The following PDE4D variants were observed in gnomAD, a reference collection of about 807,000 sequenced individuals.
The protein encoded by PDE4D is 3',5'-cyclic-AMP phosphodiesterase 4D.
A neutral mutation model predicts 87.4 loss-of-function variants in PDE4D; 24 were observed. The ratio of observed to expected loss-of-function variants is 0.27; its 90% confidence interval spans 0.20 to 0.39. PDE4D has a LOEUF of 0.39. Ranked by LOEUF, PDE4D falls within the 10% of genes least tolerant of loss-of-function variation. PDE4D has a pLI of 1.00. For synonymous variants in PDE4D, 384 were observed against 383.2 expected, an observed-to-expected ratio of 1.00 and a Z score of -0.02; for missense variants, 714 against 1,041.0, an observed-to-expected ratio of 0.69 and a Z score of 4.32.
At chr5:59,571,590 T>C (rs1821861289) in intron 1 of PDE4D, among the ~76,000 whole-genome samples, 1 of 152,208 alleles carries the variant, frequency 6.6e-6, no homozygotes, top group Non-Finnish European at 1.5e-5. Context: ...TAGACTCATC[T>C]GTCAATCAAA....
intron 1 of PDE4D, among the ~76,000 whole-genome samples, chr5:59,219,854 C>T (rs918145789): frequency 3.3e-5 from 5 of 152,044 alleles, no homozygotes; most frequent in Non-Finnish European, 7.4e-5. Context: ...AAATGTCCAG[C>T]CAGAGTAGAG....
chr5:59,358,309 C>G (rs1007416909), intron 1 of PDE4D, among the ~76,000 whole-genome samples: 1 of 152,118 alleles, frequency 6.6e-6, no homozygotes, highest in Non-Finnish European at 1.5e-5. Flanking sequence ...CTTGGAGGAG[C>G]AGAGAGTTCA....
At chr5:60,273,954 A>AT (rs1163069329) in intron 1 of PDE4D, among the ~76,000 whole-genome samples, 3 of 152,316 alleles carry the variant, frequency 2.0e-5, no homozygotes, top group Non-Finnish European at 4.4e-5. Flanking sequence ...ATAGATGAGC[A>AT]TGCCCAGTCA....
At chr5:60,019,842 T>C (rs561082127) in intron 2 of PDE4D, among the ~76,000 whole-genome samples, 1 of 152,206 alleles carries the variant, frequency 6.6e-6, no homozygotes, top group African/African-American at 2.4e-5. Context: ...TATTTTTCAA[T>C]TTCCTTCAAG....
intron 1 of PDE4D, among the ~76,000 whole-genome samples, chr5:59,864,926 C>G (rs1464895568): frequency 6.6e-6 from 1 of 152,176 alleles, no homozygotes. Flanking sequence ...CAGGCCTGCT[C>G]TGGAGGACTG....
intron 1 of PDE4D, among the ~76,000 whole-genome samples, chr5:59,730,258 A>T (rs1461925201): frequency 6.6e-6 from 1 of 152,136 alleles, no homozygotes; most frequent in African/African-American, 2.4e-5. Context: ...GCAGGTATGG[A>T]GTTCCGATAC....
chr5:58,978,001 G>A (rs1005006397), intron 11 of PDE4D, among the ~76,000 whole-genome samples: 5 of 152,028 alleles, frequency 3.3e-5, no homozygotes, highest in African/African-American at 1.2e-4. Context: ...ATACCCTCTG[G>A]TGAAGATTCT....
chr5:60,408,962 A>G (rs1027203188), intron 1 of PDE4D, among the ~76,000 whole-genome samples: 3 of 152,204 alleles, frequency 2.0e-5, no homozygotes, highest in African/African-American at 4.8e-5. Context: ...CATGTATTCA[A>G]TAACTATGTA....
intron 1 of PDE4D, among the ~76,000 whole-genome samples, chr5:59,426,247 C>CTG (rs1362503903): frequency 6.6e-6 from 1 of 152,148 alleles, no homozygotes; most frequent in Non-Finnish European, 1.5e-5. Context: ...GCCACCAAAT[C>CTG]TGTAGTATTT....
chr5:60,382,830 G>A (rs16877972), intron 1 of PDE4D, among the ~76,000 whole-genome samples: 2,385 of 152,292 alleles, frequency 0.016, 62 homozygotes, highest in African/African-American at 0.054. Flanking sequence ...ATGAGACAGT[G>A]AGCGCTAGGG....
At chr5:59,229,720 T>C (rs1754709351) in intron 1 of PDE4D, among the ~76,000 whole-genome samples, 1 of 152,218 alleles carries the variant, frequency 6.6e-6, no homozygotes, top group African/African-American at 2.4e-5. Context: ...GCATCTGAGG[T>C]AATTACATAT....
intron 5 of PDE4D, among the ~76,000 whole-genome samples, chr5:59,069,816 C>T (rs2153416747): frequency 6.6e-6 from 1 of 152,026 alleles, no homozygotes; most frequent in African/African-American, 2.4e-5. Flanking sequence ...GAAATTATTT[C>T]CAAATATAAA....
At chr5:60,191,395 C>G (rs1016902765) in intron 1 of PDE4D, among the ~76,000 whole-genome samples, 3 of 152,096 alleles carry the variant, frequency 2.0e-5, no homozygotes, top group Admixed American at 6.5e-5. Flanking sequence ...ATGCTGATCT[C>G]ATGATAGTGG....
chr5:59,892,007 A>G (rs1299025364), intron 1 of PDE4D, among the ~76,000 whole-genome samples: 1 of 152,184 alleles, frequency 6.6e-6, no homozygotes, highest in Non-Finnish European at 1.5e-5. Flanking sequence ...CTAAGGTTAG[A>G]TGACGACCCC....
At chr5:59,797,995 G>A (rs992929712) in intron 1 of PDE4D, among the ~76,000 whole-genome samples, 1 of 152,056 alleles carries the variant, frequency 6.6e-6, no homozygotes, top group Admixed American at 6.6e-5. Context: ...CAGCACTTTG[G>A]GAGTCCGAGT....
At chr5:59,692,465 T>C (rs1463030348) in intron 1 of PDE4D, among the ~76,000 whole-genome samples, 1 of 152,174 alleles carries the variant, frequency 6.6e-6, no homozygotes, top group East Asian at 1.9e-4. Context: ...CAAATAAACA[T>C]TATTAGTAAT....
intron 1 of PDE4D, among the ~76,000 whole-genome samples, chr5:59,836,638 C>CTATCTATCTATCTATCTATCTATA (rs1391543432): frequency 4.6e-4 from 69 of 150,474 alleles, no homozygotes; most frequent in African/African-American, 1.7e-3. Flanking sequence ...ATCTATCTAT[C>CTATCTATCTATCTATCTATCTATA]TATCTATCTA....
intron 5 of PDE4D, 117 bp from the exon 6 acceptor site, chr5:59,039,088 C>A (rs2153393635): frequency 6.8e-7 from 1 of 1,470,868 alleles, no homozygotes; most frequent in Non-Finnish European, 9.0e-7. Flanking sequence ...GGTGCCGGCA[C>A]ATGAGGGCTG....
At chr5:60,309,674 A>AT (rs1232786330) in intron 1 of PDE4D, among the ~76,000 whole-genome samples, 1 of 152,082 alleles carries the variant, frequency 6.6e-6, no homozygotes, top group Non-Finnish European at 1.5e-5. Flanking sequence ...AAAACGACTC[A>AT]TTTTTTTCTC....
Sources: allele counts gnomAD v4.1 joint callset (sites outside exome capture counted in the v4.1 genomes callset), GRCh38; gene constraint gnomAD v4.1.1; transcripts MANE v1.5; gene names NCBI Gene and HGNC (gene_info 2026-07-23, HGNC 2026-07-21).